Variants in NTM observed in about 807,000 individuals in gnomAD.
NTM encodes IgLON family member 2.
A neutral mutation model predicts 42.1 loss-of-function variants in NTM; 13 were observed. The observed-to-expected ratio is 0.31, with a 90% confidence interval of 0.20 to 0.49. NTM has a LOEUF of 0.49. Ranked by LOEUF, NTM falls within the 20% of genes least tolerant of loss-of-function variation. NTM has a pLI of 0.99. For missense variants in NTM, 373 were observed against 452.8 expected (o/e 0.82, Z 1.60); for synonymous variants, 187 against 179.2 (o/e 1.04, Z -0.35).
At chr11:131,872,814 T>C (rs1592421641) in intron 1 of NTM, among the ~76,000 whole-genome samples, 2 of 152,182 alleles carry the variant, frequency 1.3e-5, no homozygotes, top group East Asian at 3.8e-4. Flanking sequence ...ATGTTGACAC[T>C]TAAAACCAGC....
chr11:131,576,276 C>T (rs989872576), intron 1 of NTM, among the ~76,000 whole-genome samples: 1 of 152,180 alleles, frequency 6.6e-6, no homozygotes, highest in African/African-American at 2.4e-5. Flanking sequence ...TGAACAAATA[C>T]AAGAGGAAAC....
At chr11:131,516,499 T>A (rs2048912033) in intron 1 of NTM, among the ~76,000 whole-genome samples, 1 of 152,178 alleles carries the variant, frequency 6.6e-6, no homozygotes, top group Admixed American at 6.5e-5. Context: ...TGCCTCAGCC[T>A]CCCAAGTAGC....
At chr11:132,308,221 C>T (rs534592171) in intron 5 of NTM, among the ~76,000 whole-genome samples, 60 of 152,256 alleles carry the variant, frequency 3.9e-4, no homozygotes, top group Non-Finnish European at 7.9e-4. Flanking sequence ...GGACAAGAAA[C>T]CATGTGCTAG....
At chr11:131,914,096 T>C (rs548569641) in intron 2 of NTM, among the ~76,000 whole-genome samples, 1 of 152,326 alleles carries the variant, frequency 6.6e-6, no homozygotes, top group Non-Finnish European at 1.5e-5. Flanking sequence ...ACATAGGTCC[T>C]GCATTTTCTT....
intron 1 of NTM, among the ~76,000 whole-genome samples, chr11:131,808,833 G>A (rs541987610): frequency 6.6e-6 from 1 of 152,314 alleles, no homozygotes; most frequent in African/African-American, 2.4e-5. Context: ...CCGTGCACAC[G>A]CACAAACACA....
intron 1 of NTM, among the ~76,000 whole-genome samples, chr11:131,374,810 G>C (rs1398311765): frequency 6.6e-6 from 1 of 152,100 alleles, no homozygotes; most frequent in African/African-American, 2.4e-5. Flanking sequence ...ATCAATATGG[G>C]GCACATGATT....
intron 1 of NTM, chr11:131,671,481 C>T (rs1431112423): frequency 1.0e-6 from 1 of 985,306 alleles, no homozygotes; most frequent in Non-Finnish European, 1.2e-6. Flanking sequence ...GTGGTTGAAT[C>T]AGTGTTAGCC....
intron 1 of NTM, chr11:131,773,998 C>A (rs935083697): frequency 1.0e-6 from 1 of 984,064 alleles, no homozygotes; most frequent in African/African-American, 1.7e-5. Flanking sequence ...CTGACATCTT[C>A]CGTCGTCTCA....
intron 1 of NTM, among the ~76,000 whole-genome samples, chr11:131,515,363 T>A (rs2048763385): frequency 6.6e-6 from 1 of 152,146 alleles, no homozygotes; most frequent in African/African-American, 2.4e-5. Context: ...CATTAGAGAA[T>A]GTTCTCGGAG....
At chr11:132,164,668 G>A (rs1185155942) in intron 3 of NTM, among the ~76,000 whole-genome samples, 1 of 151,898 alleles carries the variant, frequency 6.6e-6, no homozygotes, top group Admixed American at 6.6e-5. Context: ...CTTCTAACTT[G>A]TTGTCACAAA....
intron 2 of NTM, among the ~76,000 whole-genome samples, chr11:132,123,643 C>T (rs945086656): frequency 1.3e-5 from 2 of 152,176 alleles, no homozygotes; most frequent in Non-Finnish European, 2.9e-5. Flanking sequence ...ATTTGATGAG[C>T]CAGCCAACAG....
chr11:132,035,987 G>A (rs373181194), intron 2 of NTM, among the ~76,000 whole-genome samples: 6 of 152,168 alleles, frequency 3.9e-5, no homozygotes, highest in Admixed American at 1.3e-4. Context: ...ATCATTACGC[G>A]GGGGTGACAA....
chr11:131,761,144 A>G (rs1311318419), intron 1 of NTM, among the ~76,000 whole-genome samples: 1 of 152,146 alleles, frequency 6.6e-6, no homozygotes, highest in East Asian at 1.9e-4. Flanking sequence ...ACGCCGTGAA[A>G]GTGGCAAGAG....
intron 2 of NTM, among the ~76,000 whole-genome samples, chr11:132,102,030 T>A (rs1402647313): frequency 6.6e-6 from 1 of 152,208 alleles, no homozygotes; most frequent in Non-Finnish European, 1.5e-5. Context: ...AATGGATCCG[T>A]TCAGTCATTG....
intron 1 of NTM, among the ~76,000 whole-genome samples, chr11:131,659,858 G>A (rs2067726691): frequency 6.6e-6 from 1 of 152,212 alleles, no homozygotes; most frequent in South Asian, 2.1e-4. Flanking sequence ...TCTCAGAGGA[G>A]CTTGGAGGAG....
chr11:132,238,813 G>A (rs184613203), intron 4 of NTM, among the ~76,000 whole-genome samples: 45 of 152,280 alleles, frequency 3.0e-4, no homozygotes, highest in Non-Finnish European at 5.3e-4. Context: ...TTCTAATTCA[G>A]CAGGTCTGGG....
At chr11:131,553,142 A>T (rs1244288597) in intron 1 of NTM, among the ~76,000 whole-genome samples, 3 of 152,100 alleles carry the variant, frequency 2.0e-5, no homozygotes, top group Non-Finnish European at 4.4e-5. Context: ...ATGCTTTGTA[A>T]GGAAGGGGAA....
chr11:131,384,038 G>A (rs922731094), intron 1 of NTM, among the ~76,000 whole-genome samples: 3 of 152,104 alleles, frequency 2.0e-5, no homozygotes, highest in Admixed American at 6.6e-5. Context: ...GAGGACTTCC[G>A]TTTTCTAAGT....
chr11:132,326,279 A>G (rs2095681454), intron 7 of NTM, among the ~76,000 whole-genome samples: 1 of 152,152 alleles, frequency 6.6e-6, no homozygotes, highest in African/African-American at 2.4e-5. Context: ...GGACCGAGCT[A>G]GTTCTGACCA....
Sources: allele counts gnomAD v4.1 joint callset (sites outside exome capture counted in the v4.1 genomes callset), GRCh38; gene constraint gnomAD v4.1.1; transcripts MANE v1.5; gene names NCBI Gene and HGNC (gene_info 2026-07-23, HGNC 2026-07-21).